INTS6L: variants seen among roughly 807,000 people sequenced by gnomAD.
INTS6L encodes the protein integrator complex subunit 6 like, also known as integrator complex subunit 6-like.
INTS6L carries 18 observed loss-of-function variants against 64.7 expected under a neutral mutation model. The ratio of observed to expected loss-of-function variants is 0.28; its 90% confidence interval spans 0.19 to 0.41. INTS6L has a LOEUF of 0.41. INTS6L is among the 10% of genes least tolerant of loss of function. The pLI is 1.00. For synonymous variants in INTS6L, 227 were observed against 235.9 expected, an observed-to-expected ratio of 0.96 and a Z score of 0.34; for missense variants, 533 against 661.0, an observed-to-expected ratio of 0.81 and a Z score of 2.12.
At chrX:135,534,885 T>C (rs1556507880) in intron 2 of INTS6L, among the ~76,000 whole-genome samples, 2 of 109,635 alleles carry the variant, frequency 1.8e-5, no homozygotes, top group Non-Finnish European at 3.8e-5. Context: ...CCCAGGCTGA[T>C]CTTGAACTCG....
Position 135,552,094 on chromosome X carries a change from C to T in INTS6L, c.1007C>T (p.Ser336Leu). ...LPFDKYELEP[S>L]PLTQYILERK... ...TTTGACAAATATGAACTTGAACCTTCGCCCTTAACTCAGTATATCTTGGAA... is the reference window on the plus strand; with the variant it reads ...TTTGACAAATATGAACTTGAACCTTTGCCCTTAACTCAGTATATCTTGGAA... The change falls in exon 8 of 18, where the codon TCG (serine) becomes TTG (leucine). Residue 336 changes from serine to leucine, a missense_variant. Coordinates refer to ENST00000639893, the MANE Select transcript of INTS6L (RefSeq NM_001351601.3). The T allele has an allele frequency of 8.3e-7, 1 of 1,208,526 alleles. No homozygotes were observed. Among genetic ancestry groups the T allele is most frequent in the African/African-American group, 1.7e-5 (1 of 57,643 alleles).
chrX:135,527,282 G>A (rs1382617636), intron 2 of INTS6L, among the ~76,000 whole-genome samples: 3 of 112,015 alleles, frequency 2.7e-5, no homozygotes, highest in African/African-American at 9.8e-5. Flanking sequence ...TTGACACTAC[G>A]GCAGTCTCGG....
chrX:135,547,392 C>A, intron 6 of INTS6L, 127 bp downstream of exon 6: 1 of 742,608 alleles, frequency 1.3e-6, no homozygotes. Context: ...TACATCCAAA[C>A]AACTACCACA....
At chrX:135,575,870 T>C (rs2087212502) in intron 14 of INTS6L, among the ~76,000 whole-genome samples, 1 of 110,912 alleles carries the variant, frequency 9.0e-6, no homozygotes, top group Admixed American at 9.6e-5. Context: ...AATGGGATTA[T>C]AGCTGCACTC....
chrX:135,540,753 C>T (rs1290220413), intron 2 of INTS6L, among the ~76,000 whole-genome samples: 4 of 109,090 alleles, frequency 3.7e-5, no homozygotes, highest in Non-Finnish European at 7.6e-5. Context: ...CCTCCCCCTC[C>T]TCCTCCCACC....
chrX:135,570,620 T>C (rs2087066717), intron 11 of INTS6L, 74 bp downstream of exon 11: 2 of 1,081,203 alleles, frequency 1.8e-6, no homozygotes, highest in Non-Finnish European at 2.4e-6. Context: ...TTAGTGTAAT[T>C]GTAATTTTTC....
chrX:135,555,891 G>A (rs1230984633), intron 8 of INTS6L, among the ~76,000 whole-genome samples: 2 of 111,193 alleles, frequency 1.8e-5, no homozygotes, highest in East Asian at 5.6e-4. Flanking sequence ...ATCTCCCTTT[G>A]TCTCCCAGGC....
chrX:135,528,996 T>C (rs1602804238), intron 2 of INTS6L, among the ~76,000 whole-genome samples: 1 of 110,676 alleles, frequency 9.0e-6, no homozygotes, highest in East Asian at 2.8e-4. Flanking sequence ...CTTATTTGTA[T>C]TGAAAGCCAG....
chrX:135,520,719 G>A lies in INTS6L; in HGVS notation c.-274G>A. ...ATGCTTAGGCAGTAGTCCTGGCAGC[G>A]GCAGTAGTGGTGGCAGCAGAAGAGA... On this transcript the variant is annotated 5_prime_UTR_variant, in exon 1 of 18. Coordinates refer to ENST00000639893, the MANE Select transcript of INTS6L (RefSeq NM_001351601.3). The A allele has an allele frequency of 8.7e-6, 3 of 345,568 alleles. No individual in the cohort carries two copies. The highest frequency in any genetic ancestry group is 1.5e-5 in the Non-Finnish European group (3 of 196,732). The allele number at this position is 345,568 out of a possible 1,213,427, so 28.5% of individuals were successfully genotyped here.
At chrX:135,573,520 A>C (rs1431731478) in intron 12 of INTS6L, among the ~76,000 whole-genome samples, 1 of 112,725 alleles carries the variant, frequency 8.9e-6, no homozygotes, top group Admixed American at 9.3e-5. Context: ...TCAGTGCTGC[A>C]GCGGATCCCT....
chrX:135,534,231 ATTAAT>A (rs1468745805), intron 2 of INTS6L, among the ~76,000 whole-genome samples: 12 of 108,892 alleles, frequency 1.1e-4, no homozygotes, highest in African/African-American at 4.0e-4. Context: ...CATACTAGAT[ATTAAT>A]TTAAAGAGGT....
At chrX:135,572,545 A>G (rs1230463572) in intron 11 of INTS6L, 1 of 244,625 alleles carries the variant, frequency 4.1e-6, no homozygotes, top group Non-Finnish European at 7.2e-6. Context: ...CTATGAATGA[A>G]ATTCTTATTC....
At chrX:135,525,207 A>T (rs1327719441) in intron 2 of INTS6L, among the ~76,000 whole-genome samples, 1 of 112,272 alleles carries the variant, frequency 8.9e-6, no homozygotes, top group Admixed American at 9.4e-5. Context: ...TTATTTAGTG[A>T]ATAGAAGAGG....
intron 2 of INTS6L, among the ~76,000 whole-genome samples, chrX:135,540,400 A>T (rs1263127155): frequency 8.9e-6 from 1 of 111,910 alleles, no homozygotes. Context: ...CCTAACATAT[A>T]AGCACTGATA....
chrX:135,528,866 A>ACCCCAC (rs2085817911), intron 2 of INTS6L, among the ~76,000 whole-genome samples: 1 of 48,006 alleles, frequency 2.1e-5, no homozygotes, highest in Non-Finnish European at 3.7e-5. Flanking sequence ...TAAAATGAAC[A>ACCCCAC]CCCCCCCCCC....
chrX:135,558,435 T>C (rs2086696555), intron 9 of INTS6L, among the ~76,000 whole-genome samples: 1 of 112,113 alleles, frequency 8.9e-6, no homozygotes, highest in Non-Finnish European at 1.9e-5. Context: ...TAGATATACA[T>C]GCAATGGAAT....
chrX:135,575,090 T>G lies in INTS6L; in HGVS notation c.1748T>G (p.Leu583Arg). 8.3e-7 allele frequency: 1 copy of G among 1,210,429 alleles called. No individual in the cohort carries two copies. Among genetic ancestry groups the G allele is most frequent in the Non-Finnish European group, 1.1e-6 (1 of 895,075 alleles). ...KFIVGQDEDS[L>R]HSVPVAQMGN... Reference sequence around the variant, plus strand: ...TTTTCCTGTGATTTTGCAGATTCCCTTCATAGTGTTCCAGTTGCACAAATG... The same window carrying G: ...TTTTCCTGTGATTTTGCAGATTCCCGTCATAGTGTTCCAGTTGCACAAATG... Residue 583 changes from leucine to arginine, a missense_variant, in exon 14 of 18, where the codon CTT becomes CGT. Physicochemically the swap from Leu to Arg is moderately radical, Grantham distance 102 (BLOSUM62 -2). Transcript: ENST00000639893.
At chrX:135,522,180 C>G (rs1468378995) in intron 2 of INTS6L, among the ~76,000 whole-genome samples, 4 of 112,011 alleles carry the variant, frequency 3.6e-5, no homozygotes, top group South Asian at 7.3e-4. Flanking sequence ...AGCAACGACA[C>G]GGAGGGGGAC....
At chrX:135,556,979 T>C (rs1438113334) in intron 9 of INTS6L, among the ~76,000 whole-genome samples, 1 of 112,075 alleles carries the variant, frequency 8.9e-6, no homozygotes, top group Non-Finnish European at 1.9e-5. Flanking sequence ...TACTAAGTTT[T>C]CATACGATCA....
Sources: allele counts gnomAD v4.1 joint callset (sites outside exome capture counted in the v4.1 genomes callset), GRCh38; gene constraint gnomAD v4.1.1; transcripts MANE v1.5; gene names NCBI Gene and HGNC (gene_info 2026-07-23, HGNC 2026-07-21).